The following CCNY variants were observed in gnomAD, a reference collection of about 807,000 sequenced individuals.
CCNY encodes cyclin Y.
In CCNY, 19 loss-of-function variants were observed where a neutral mutation model predicts 42.8. That is an observed-to-expected ratio of 0.44 (90% CI 0.31 to 0.65). The LOEUF is 0.65. CCNY is among the 30% of genes least tolerant of loss of function. The pLI is 0.07. For synonymous variants in CCNY, 165 were observed against 162.7 expected (o/e 1.01, Z -0.11); for missense variants, 370 against 437.3 (o/e 0.85, Z 1.37).
At chr10:35,486,833 C>G (rs1363528971) in intron 2 of CCNY, among the ~76,000 whole-genome samples, 1 of 152,182 alleles carries the variant, frequency 6.6e-6, no homozygotes, top group African/African-American at 2.4e-5. Context: ...CTTTTTCACA[C>G]AGCTGATTTC....
chr10:35,387,826 A>G (rs1837330773), intron 1 of CCNY, among the ~76,000 whole-genome samples: 1 of 152,234 alleles, frequency 6.6e-6, no homozygotes, highest in South Asian at 2.1e-4. Context: ...TTAAAGTCAC[A>G]GATCTTTGGT....
intron 3 of CCNY, among the ~76,000 whole-genome samples, chr10:35,313,014 CAGG>C (rs1464242697): frequency 6.6e-6 from 1 of 152,126 alleles, no homozygotes; most frequent in African/African-American, 2.4e-5. Context: ...GACTGGGAAT[CAGG>C]AGATGTGGTC....
At position 35,371,792 on chromosome 10, in the gene CCNY, C is replaced by T. The variant is rs112825005; in HGVS notation, c.154+34585C>T. The stretch of plus-strand genomic sequence containing the variant: ...GGGTGGTCAGAGCTAGGGCAGGAAC[C>T]GGGAGAAGCAGCCACAGAAGTCAGA... On this transcript the variant is annotated intron_variant, in intron 1 of 9. Transcript: ENST00000374704. Among the ~76,000 whole-genome samples the T allele has an allele frequency of 3.4e-3, 522 of 152,174 alleles. 4 individuals carry two copies. The highest frequency in any genetic ancestry group is 0.012 in the African/African-American group (490 of 41,508).
chr10:35,384,963 CT>C (rs1339555876), intron 1 of CCNY, among the ~76,000 whole-genome samples: 2 of 152,162 alleles, frequency 1.3e-5, no homozygotes, highest in Non-Finnish European at 2.9e-5. Flanking sequence ...TGATGAGTTC[CT>C]TTTGGGCACC....
At chr10:35,488,395 C>T (rs982556150) in intron 2 of CCNY, among the ~76,000 whole-genome samples, 2 of 152,094 alleles carry the variant, frequency 1.3e-5, no homozygotes, top group Non-Finnish European at 2.9e-5. Flanking sequence ...TTTCCACTGC[C>T]CTGTCGGGAT....
chr10:35,511,131 G>A lies in CCNY; in HGVS notation c.265-5392G>A, dbSNP rs561131507. Reference sequence around the variant, plus strand: ...TGCCCCTTTCTGCCGTAACACAGCTGCTGTGGCCACACTGTGGTCTCCCTC... The same window carrying A: ...TGCCCCTTTCTGCCGTAACACAGCTACTGTGGCCACACTGTGGTCTCCCTC... On this transcript the variant is annotated intron_variant, in intron 3 of 9. Transcript: ENST00000374704. Among the ~76,000 whole-genome samples, 6 of 152,342 alleles carry A rather than the reference G, an allele frequency of 3.9e-5. No homozygotes were observed. In the South Asian group the frequency reaches 1.2e-3, roughly 32 times the overall value.
In CCNY at chr10:35,315,746, TC is replaced by T. The variant is rs34984674; in HGVS notation, c.-9+65124del. On this transcript the variant is annotated intron_variant, in intron 3 of 11. Coordinates refer to the CCNY transcript ENST00000374706. ...TAAGCATTCCCTTTTCTCTACAAGC[TC>T]CCCAGCATCTGTTATTTTTTTGACT... Among the ~76,000 whole-genome samples the T allele has an allele frequency of 4.6e-5, 7 of 152,218 alleles. No homozygotes were observed. In the East Asian group the frequency reaches 1.2e-3, roughly 25 times the overall value.
chr10:35,375,148 A>G (rs1028561553), intron 1 of CCNY, among the ~76,000 whole-genome samples: 4 of 152,202 alleles, frequency 2.6e-5, no homozygotes, highest in African/African-American at 9.7e-5. Flanking sequence ...TTGGTGGCGT[A>G]AACAACACAC....
At chr10:35,458,256 C>T (rs1203163016) in intron 1 of CCNY, among the ~76,000 whole-genome samples, 2 of 152,154 alleles carry the variant, frequency 1.3e-5, no homozygotes, top group African/African-American at 2.4e-5. Context: ...ATAGCTGTAA[C>T]GTGTTGATGT....
At chr10:35,437,071 A>T (rs1025717683) in intron 1 of CCNY, among the ~76,000 whole-genome samples, 1 of 152,230 alleles carries the variant, frequency 6.6e-6, no homozygotes, top group Non-Finnish European at 1.5e-5. Context: ...AACCATCAGA[A>T]CTTGTGAGAA....
chr10:35,339,661 A>G lies in CCNY; in HGVS notation c.154+2454A>G, dbSNP rs542788124. ...AAGGTTTGAAGTTCATGGGTCTTCT[A>G]TGATAGGTTAGTGTCTTTAAATCAC... On this transcript the variant is annotated intron_variant, in intron 1 of 9. Transcript: ENST00000374704. Among the ~76,000 whole-genome samples, 3 of 152,330 alleles carry G rather than the reference A, an allele frequency of 2.0e-5. No individual in the cohort carries two copies. In the South Asian group the frequency reaches 6.2e-4, roughly 32 times the overall value.
chr10:35,257,044 C>T (rs1341379174), intron 3 of CCNY, among the ~76,000 whole-genome samples: 2 of 152,070 alleles, frequency 1.3e-5, no homozygotes, highest in African/African-American at 4.8e-5. Flanking sequence ...ATAATACCAC[C>T]TTGTATAATG....
chr10:35,272,430 T>C (rs1337394144), intron 3 of CCNY, among the ~76,000 whole-genome samples: 1 of 152,194 alleles, frequency 6.6e-6, no homozygotes, highest in African/African-American at 2.4e-5. Context: ...TTTTTCCTGA[T>C]CCTCTTCTTC....
At chr10:35,566,278 C>T in intron 9 of CCNY, 93 bp downstream of exon 9, 4 of 1,249,704 alleles carry the variant, frequency 3.2e-6, no homozygotes, top group Non-Finnish European at 4.5e-6. Context: ...ATCATTTCCC[C>T]CACTACATGA....
chr10:35,569,618 G>C lies in CCNY; in HGVS notation c.*448G>C, dbSNP rs1043198950. On this transcript the variant is annotated 3_prime_UTR_variant, in exon 10 of 10. Transcript: ENST00000374704. ...TTCCTTCTGCTGCTTTTTTGGGATG[G>C]GGGTATTTTTGTTCATTTGTTTTTG... 1 of 178,246 alleles carries C rather than the reference G, an allele frequency of 5.6e-6. No homozygotes were observed. Among genetic ancestry groups the C allele is most frequent in the East Asian group, 1.4e-4 (1 of 6,924 alleles). The allele number at this position is 178,246 out of a possible 1,614,324, so 11.0% of individuals were successfully genotyped here.
chr10:35,463,572 A>C (rs867258929), intron 1 of CCNY, among the ~76,000 whole-genome samples: 2 of 152,260 alleles, frequency 1.3e-5, no homozygotes, highest in South Asian at 4.1e-4. Flanking sequence ...AGAGTCAATG[A>C]AGCTAAGAGA....
intron 1 of CCNY, among the ~76,000 whole-genome samples, chr10:35,405,901 G>A (rs1458149254): frequency 6.6e-6 from 1 of 152,206 alleles, no homozygotes; most frequent in Non-Finnish European, 1.5e-5. Context: ...CCCGGGCTGC[G>A]GGCATTCCTT....
At chr10:35,493,599 C>T (rs1289169930) in intron 2 of CCNY, among the ~76,000 whole-genome samples, 1 of 152,162 alleles carries the variant, frequency 6.6e-6, no homozygotes, top group Non-Finnish European at 1.5e-5. Flanking sequence ...TAGTTAATGC[C>T]TTGGAATGAT....
At chr10:35,337,280 G>T in intron 1 of CCNY, 73 bp downstream of exon 1, 3 of 1,358,038 alleles carry the variant, frequency 2.2e-6, no homozygotes, top group Non-Finnish European at 2.9e-6. Context: ...GGGCGGCCCG[G>T]CTGCTCTTGC....
Sources: allele counts gnomAD v4.1 joint callset (sites outside exome capture counted in the v4.1 genomes callset), GRCh38; gene constraint gnomAD v4.1.1; transcripts MANE v1.5; gene names NCBI Gene and HGNC (gene_info 2026-07-23, HGNC 2026-07-21).